LRCH1: variants seen among roughly 807,000 people sequenced by gnomAD.
LRCH1 encodes the protein leucine-rich repeat and calponin homology domain-containing protein 1.
Under a neutral mutation model 94.9 loss-of-function variants are expected in LRCH1, and 23 were observed. The observed-to-expected ratio is 0.24, with a 90% CI of 0.17 to 0.34. The LOEUF (loss-of-function observed/expected upper bound fraction) is 0.34. Among genes scored for constraint, LRCH1 ranks in the 10% least tolerant of loss-of-function variants. The probability of loss-of-function intolerance (pLI) is 1.00; values close to 1 mark genes in which losing one functional copy is unlikely to be tolerated. For missense variants in LRCH1, 790 were observed against 945.9 expected (o/e 0.84, Z 2.16); for synonymous variants, 364 against 354.9 (o/e 1.03, Z -0.29).
chr13:46,639,130 A>G (rs2051128613), intron 1 of LRCH1, among the ~76,000 whole-genome samples: 2 of 152,212 alleles, frequency 1.3e-5, no homozygotes, highest in Admixed American at 1.3e-4. Context: ...TTCAATATTT[A>G]TGTAATTAGC....
Position 46,715,545 on chromosome 13 carries a change from C to G in LRCH1, c.1655-15C>G, listed in dbSNP as rs202016555. 10 of 1,495,486 alleles carry G rather than the reference C, an allele frequency of 6.7e-6. No homozygotes were observed. Among genetic ancestry groups the G allele is most frequent in the Non-Finnish European group, 9.0e-6 (10 of 1,108,792 alleles). The allele number at this position is 1,495,486 out of a possible 1,614,324, so 92.6% of individuals were successfully genotyped here. ...GTGCAACTGTACGCGGACTGGCTCT[C>G]TGGCTCCCCTGCAGACCCAGCCCTC... On this transcript the variant is annotated splice_polypyrimidine_tract_variant and intron_variant, in intron 15 of 19. Transcript: ENST00000389797.
intron 2 of LRCH1, among the ~76,000 whole-genome samples, chr13:46,654,597 T>C (rs1330906751): frequency 1.3e-5 from 2 of 152,164 alleles, no homozygotes; most frequent in African/African-American, 2.4e-5. Flanking sequence ...ATATCCAACA[T>C]AGAAGTATAT....
intron 2 of LRCH1, among the ~76,000 whole-genome samples, chr13:46,661,052 A>G (rs1017340475): frequency 3.3e-5 from 5 of 152,180 alleles, no homozygotes; most frequent in Non-Finnish European, 5.9e-5. Flanking sequence ...ACATAAATCA[A>G]TCATTAACTA....
At chr13:46,704,675 A>G (rs921954711) in intron 11 of LRCH1, among the ~76,000 whole-genome samples, 6 of 152,104 alleles carry the variant, frequency 3.9e-5, no homozygotes, top group Non-Finnish European at 7.4e-5. Context: ...GATATAATGT[A>G]TATCTCCCTA....
chr13:46,616,704 T>C (rs916324338), intron 1 of LRCH1, among the ~76,000 whole-genome samples: 4 of 152,342 alleles, frequency 2.6e-5, no homozygotes, highest in Admixed American at 1.3e-4. Flanking sequence ...GGCACCAAAT[T>C]TCATGCGCGT....
At chr13:46,748,662 A>G (rs1217771453), downstream of LRCH1, among the ~76,000 whole-genome samples, 1 of 152,156 alleles carries the variant, frequency 6.6e-6, no homozygotes, top group African/African-American at 2.4e-5. Context: ...GAACTCCCCC[A>G]TCCTTTCTCA....
chr13:46,572,816 T>C (rs2137922449), intron 1 of LRCH1, among the ~76,000 whole-genome samples: 1 of 152,238 alleles, frequency 6.6e-6, no homozygotes. Context: ...ATTTATTATC[T>C]AGTGTGAGTA....
intron 1 of LRCH1, among the ~76,000 whole-genome samples, chr13:46,602,003 C>T (rs1483408615): frequency 6.6e-6 from 1 of 152,162 alleles, no homozygotes; most frequent in Non-Finnish European, 1.5e-5. Flanking sequence ...TACTGACTTG[C>T]AACGTTGTCA....
intron 16 of LRCH1, among the ~76,000 whole-genome samples, chr13:46,721,453 T>C (rs78707260): frequency 1.3e-5 from 2 of 152,194 alleles, no homozygotes; most frequent in African/African-American, 4.8e-5. Flanking sequence ...GTCTCTTTTT[T>C]GGTGTTGCTT....
chr13:46,669,805 G>A (rs1158965293), intron 3 of LRCH1, among the ~76,000 whole-genome samples: 1 of 151,930 alleles, frequency 6.6e-6, no homozygotes, highest in Non-Finnish European at 1.5e-5. Context: ...GCTAACATAG[G>A]TGAAGGAAGA....
intron 1 of LRCH1, among the ~76,000 whole-genome samples, chr13:46,605,926 G>A (rs906718361): frequency 1.3e-5 from 2 of 152,070 alleles, no homozygotes; most frequent in African/African-American, 4.8e-5. Context: ...AGATATTGTC[G>A]GGTTCAATAT....
chr13:46,562,232 T>G (rs2050136926), intron 1 of LRCH1, among the ~76,000 whole-genome samples: 1 of 152,230 alleles, frequency 6.6e-6, no homozygotes, highest in African/African-American at 2.4e-5. Context: ...CTCTTTTTAC[T>G]TCTCAGTGTC....
chr13:46,692,683 T>G, intron 8 of LRCH1, 42 bp downstream of exon 8: 1 of 1,465,780 alleles, frequency 6.8e-7, no homozygotes, highest in Non-Finnish European at 9.5e-7. Context: ...GTTTTTCAGT[T>G]TCAAATGTTA....
rs574662770 is a variant in LRCH1, at chr13:46,742,629, A to G, written c.*781A>G. 9.0e-5 allele frequency: 89 copies of G among 985,410 alleles called. 1 individual carries two copies. The African/African-American group carries it at 1.3e-3, about 15-fold the overall frequency. The allele number at this position is 985,410 out of a possible 1,614,324, so 61.0% of individuals were successfully genotyped here. ...TAATTCCTTGTTAGGTCTTCTCTTG[A>G]GGCTCTTAGAAAAGCGTTTTCCAGA... On this transcript the variant is annotated 3_prime_UTR_variant, in exon 20 of 20. Transcript: ENST00000389797.
chr13:46,751,658 G>C (rs1874146429), exon 19 of LRCH1: 1 of 152,222 alleles, frequency 6.6e-6, no homozygotes, highest in African/African-American at 2.4e-5. Context: ...GTGTCTTGAA[G>C]TATACTTTTG....
At chr13:46,580,019 G>A (rs2050347195) in intron 1 of LRCH1, among the ~76,000 whole-genome samples, 1 of 152,148 alleles carries the variant, frequency 6.6e-6, no homozygotes, top group African/African-American at 2.4e-5. Flanking sequence ...TCAGTCAAGT[G>A]GAATGTGCAA....
At chr13:46,745,845 C>T (rs887105391), downstream of LRCH1, among the ~76,000 whole-genome samples, 4 of 152,032 alleles carry the variant, frequency 2.6e-5, no homozygotes, top group Admixed American at 2.6e-4. Flanking sequence ...GCATAAGAAA[C>T]TGTAGAAGGA....
chr13:46,710,562 G>A (rs1872009262), intron 13 of LRCH1, among the ~76,000 whole-genome samples: 1 of 152,178 alleles, frequency 6.6e-6, no homozygotes, highest in South Asian at 2.1e-4. Context: ...GGACAAACTA[G>A]AGGAAAGAAT....
intron 16 of LRCH1, chr13:46,717,715 T>A (rs1450832738): frequency 6.6e-6 from 1 of 152,248 alleles, no homozygotes; most frequent in Non-Finnish European, 1.5e-5. Context: ...TTGACTTTTA[T>A]TTATACATTT....
Sources: allele counts gnomAD v4.1 joint callset (sites outside exome capture counted in the v4.1 genomes callset), GRCh38; gene constraint gnomAD v4.1.1; transcripts MANE v1.5; gene names NCBI Gene and HGNC (gene_info 2026-07-23, HGNC 2026-07-21).